Variants in SH2D4A observed in about 807,000 individuals in gnomAD.
The protein encoded by SH2D4A is SH2 domain-containing protein 4A.
In SH2D4A, 70 loss-of-function variants were observed where a neutral mutation model predicts 64.7. The observed-to-expected ratio is 1.08, with a 90% CI of 0.89 to 1.32. The LOEUF (loss-of-function observed/expected upper bound fraction) is 1.32, where lower values mean the gene tolerates loss of function less well. Ranked by LOEUF, SH2D4A falls within the 40% of genes most tolerant of loss-of-function variation. The probability of loss-of-function intolerance (pLI) is 0.00; values close to 1 mark genes in which losing one functional copy is unlikely to be tolerated. For missense variants in SH2D4A, 706 were observed against 540.1 expected (o/e 1.31, Z -3.04); for synonymous variants, 268 against 200.7 (o/e 1.34, Z -2.83).
intron 8 of SH2D4A, among the ~76,000 whole-genome samples, chr8:19,377,707 C>T (rs533408787): frequency 2.6e-5 from 4 of 152,128 alleles, no homozygotes; most frequent in South Asian, 4.1e-4. Context: ...ATATTACACA[C>T]GTATCATTAT....
rs528344006 is a variant in SH2D4A, at chr8:19,314,249, G to T, written c.-205+426G>T. 1.2e-4 allele frequency among the ~76,000 whole-genome samples: 19 copies of T among 152,294 alleles called. No homozygotes were observed. The South Asian group carries it at 3.7e-3, about 30-fold the overall frequency. ...GCAGGCCCCGGGAGGGTCCGGGCTG[G>T]CCTAGAGTTTCTAGACTCCTAGCAG... On this transcript the variant is annotated intron_variant, in intron 1 of 9. Transcript: ENST00000265807.
chr8:19,328,306 A>C (rs1206317598), intron 2 of SH2D4A, among the ~76,000 whole-genome samples: 2 of 152,020 alleles, frequency 1.3e-5, no homozygotes, highest in East Asian at 1.9e-4. Context: ...GAAAGTCCTC[A>C]TATGGATTTC....
intron 4 of SH2D4A, among the ~76,000 whole-genome samples, chr8:19,340,559 G>A (rs1049690930): frequency 8.6e-5 from 13 of 150,868 alleles, no homozygotes; most frequent in Admixed American, 3.3e-4. Flanking sequence ...AGAAGTGGTA[G>A]TGGTGGATAC....
chr8:19,393,473 G>C lies in SH2D4A; in HGVS notation c.1204G>C (p.Ala402Pro). The change falls in exon 9 of 10, where the codon GCC becomes CCC. Residue 402 changes from alanine to proline, a missense_variant. Physicochemically the swap from Ala to Pro is conservative, Grantham distance 27. Transcript: ENST00000265807. The part of the protein sequence containing the change: ...KHFLIDASAD[A>P]YSFLGVDQLQ... ...TTTCCTCATCGATGCCTCTGCAGAC[G>C]CCTACAGCTTCCTGGGCGTGGACCA... 1 of 1,614,204 alleles carries C rather than the reference G, an allele frequency of 6.2e-7. No homozygotes were observed. Among genetic ancestry groups the C allele is most frequent in the Non-Finnish European group, 8.5e-7 (1 of 1,180,036 alleles).
intron 1 of SH2D4A, among the ~76,000 whole-genome samples, chr8:19,314,388 G>A (rs958513928): frequency 6.6e-6 from 1 of 152,144 alleles, no homozygotes; most frequent in African/African-American, 2.4e-5. Context: ...ACCCAGGGGC[G>A]CCCCCACGTG....
intron 4 of SH2D4A, among the ~76,000 whole-genome samples, chr8:19,356,557 A>G (rs2052795003): frequency 6.6e-6 from 1 of 152,230 alleles, no homozygotes; most frequent in Non-Finnish European, 1.5e-5. Context: ...ATTTGCTGGC[A>G]TACTTGTGAT....
At chr8:19,359,867 A>C (rs931154727) in intron 5 of SH2D4A, among the ~76,000 whole-genome samples, 1 of 152,240 alleles carries the variant, frequency 6.6e-6, no homozygotes, top group Non-Finnish European at 1.5e-5. Context: ...AATAGCAAGG[A>C]AGTCTTTACA....
intron 8 of SH2D4A, among the ~76,000 whole-genome samples, chr8:19,392,156 G>C (rs533480723): frequency 1.3e-5 from 2 of 152,306 alleles, no homozygotes; most frequent in South Asian, 2.1e-4. Flanking sequence ...GGCTGGTCTG[G>C]AGTAAGAGTG....
intron 1 of SH2D4A, among the ~76,000 whole-genome samples, chr8:19,317,303 A>ATTTTTTTTTTTTTTTTTT (rs761621347): frequency 6.2e-5 from 6 of 97,374 alleles, no homozygotes; most frequent in Non-Finnish European, 6.1e-5. Context: ...CAAGACATCC[A>ATTTTTTTTTTTTTTTTTT]TTTTTTTTTT....
At chr8:19,338,376 C>G (rs987420964) in intron 4 of SH2D4A, among the ~76,000 whole-genome samples, 2 of 152,206 alleles carry the variant, frequency 1.3e-5, no homozygotes, top group Non-Finnish European at 2.9e-5. Flanking sequence ...ACATTTAGAT[C>G]TCTCAGACCC....
intron 7 of SH2D4A, among the ~76,000 whole-genome samples, chr8:19,367,844 G>A (rs572330917): frequency 1.3e-5 from 2 of 152,230 alleles, no homozygotes; most frequent in East Asian, 1.9e-4. Flanking sequence ...GGGAGGCTGG[G>A]GTGGGAGGAT....
intron 7 of SH2D4A, among the ~76,000 whole-genome samples, chr8:19,370,421 GTTAA>G (rs1355673369): frequency 6.6e-6 from 1 of 151,970 alleles, no homozygotes; most frequent in African/African-American, 2.4e-5. Flanking sequence ...GTGCTTCCAT[GTTAA>G]TTGAGTACAT....
chr8:19,356,775 G>T (rs1210074625), intron 4 of SH2D4A, among the ~76,000 whole-genome samples: 1 of 152,230 alleles, frequency 6.6e-6, no homozygotes, highest in African/African-American at 2.4e-5. Context: ...TTGTGCTCCA[G>T]GCATGTCTGC....
chr8:19,372,046 A>T (rs896295345), intron 7 of SH2D4A, among the ~76,000 whole-genome samples: 9 of 152,096 alleles, frequency 5.9e-5, no homozygotes, highest in African/African-American at 2.2e-4. Flanking sequence ...CTTATTTTGT[A>T]CACTTGGTGA....
intron 7 of SH2D4A, among the ~76,000 whole-genome samples, chr8:19,367,973 T>C (rs1269064877): frequency 1.3e-5 from 2 of 152,164 alleles, no homozygotes; most frequent in Non-Finnish European, 2.9e-5. Context: ...TTCCCCAGTA[T>C]TTTCTTTTGG....
At chr8:19,386,324 C>T (rs1340263235) in intron 8 of SH2D4A, among the ~76,000 whole-genome samples, 1 of 152,244 alleles carries the variant, frequency 6.6e-6, no homozygotes, top group East Asian at 1.9e-4. Context: ...AGCTTTTCTG[C>T]AGAACATTCT....
chr8:19,338,041 C>T (rs2052471991), intron 4 of SH2D4A, among the ~76,000 whole-genome samples: 1 of 152,184 alleles, frequency 6.6e-6, no homozygotes, highest in South Asian at 2.1e-4. Flanking sequence ...ACTCTAGTCT[C>T]CAGAACTGTG....
chr8:19,358,885 C>T (rs1398552743), intron 5 of SH2D4A, among the ~76,000 whole-genome samples: 1 of 152,314 alleles, frequency 6.6e-6, no homozygotes, highest in East Asian at 1.9e-4. Flanking sequence ...GCTCACACCA[C>T]ACATCTGGGT....
intron 4 of SH2D4A, among the ~76,000 whole-genome samples, chr8:19,336,280 T>A (rs1364699263): frequency 6.6e-6 from 1 of 152,200 alleles, no homozygotes. Context: ...AACTCTCATG[T>A]TTGGTTGTGT....
Sources: allele counts gnomAD v4.1 joint callset (sites outside exome capture counted in the v4.1 genomes callset), GRCh38; gene constraint gnomAD v4.1.1; transcripts MANE v1.5; gene names NCBI Gene and HGNC (gene_info 2026-07-23, HGNC 2026-07-21).